Variants in EBF2 observed in about 807,000 individuals in gnomAD.
EBF2 encodes the protein transcription factor COE2.
In EBF2, 21 loss-of-function variants were observed where a neutral mutation model predicts 72.8. That is an observed-to-expected ratio of 0.29 (90% CI 0.20 to 0.42). The LOEUF (loss-of-function observed/expected upper bound fraction) is 0.42, where lower values mean the gene tolerates loss of function less well. EBF2 is among the 10% of genes least tolerant of loss of function. The pLI is 1.00. For missense variants in EBF2, 637 were observed against 731.2 expected (o/e 0.87, Z 1.49); for synonymous variants, 299 against 274.2 (o/e 1.09, Z -0.89).
chr8:25,862,874 A>G, intron 10 of EBF2, 77 bp from the exon 11 acceptor site: 1 of 1,109,596 alleles, frequency 9.0e-7, no homozygotes, highest in South Asian at 1.9e-5. Context: ...TTCCACAGGT[A>G]ATAAGAAGGT....
intron 5 of EBF2, among the ~76,000 whole-genome samples, chr8:26,036,856 T>A (rs1188944006): frequency 6.6e-6 from 1 of 151,992 alleles, no homozygotes; most frequent in African/African-American, 2.4e-5. Context: ...CTGAAGTTCC[T>A]GATAAGTGTT....
At chr8:25,952,176 G>T (rs1000864500) in intron 6 of EBF2, among the ~76,000 whole-genome samples, 1 of 152,076 alleles carries the variant, frequency 6.6e-6, no homozygotes, top group Non-Finnish European at 1.5e-5. Context: ...TGTGACTGCA[G>T]TCCCAACTAC....
intron 7 of EBF2, among the ~76,000 whole-genome samples, chr8:25,897,831 G>A (rs1802883834): frequency 6.6e-6 from 1 of 152,172 alleles, no homozygotes; most frequent in African/African-American, 2.4e-5. Context: ...ATACAAATGT[G>A]CATGTCTTTC....
At chr8:26,015,498 A>G (rs1805095306) in intron 6 of EBF2, among the ~76,000 whole-genome samples, 1 of 152,226 alleles carries the variant, frequency 6.6e-6, no homozygotes, top group South Asian at 2.1e-4. Flanking sequence ...TAGTTGATTA[A>G]CTGAATCAAC....
intron 6 of EBF2, among the ~76,000 whole-genome samples, chr8:25,969,510 C>A (rs375620763): frequency 6.6e-6 from 1 of 152,350 alleles, no homozygotes; most frequent in East Asian, 1.9e-4. Context: ...AAGTGCAGTA[C>A]CCACATCCAT....
intron 1 of EBF2, among the ~76,000 whole-genome samples, chr8:26,042,694 C>T (rs1805626167): frequency 6.6e-6 from 1 of 152,196 alleles, no homozygotes; most frequent in African/African-American, 2.4e-5. Context: ...GGAATAAGTG[C>T]CTCCTTTGCT....
chr8:25,935,986 T>C (rs1803572563), intron 6 of EBF2, among the ~76,000 whole-genome samples: 1 of 152,176 alleles, frequency 6.6e-6, no homozygotes, highest in Non-Finnish European at 1.5e-5. Context: ...GTGGTAACGT[T>C]AGACAGAAAT....
chr8:25,914,687 A>G (rs1585193873), intron 6 of EBF2, among the ~76,000 whole-genome samples: 1 of 152,374 alleles, frequency 6.6e-6, no homozygotes, highest in East Asian at 1.9e-4. Flanking sequence ...AGGAAAGATG[A>G]CTTAATAGTT....
intron 6 of EBF2, among the ~76,000 whole-genome samples, chr8:25,937,065 G>C (rs539041217): frequency 6.6e-6 from 1 of 152,196 alleles, no homozygotes; most frequent in Non-Finnish European, 1.5e-5. Context: ...AATTAGAATT[G>C]TAACAATGAG....
intron 1 of EBF2, among the ~76,000 whole-genome samples, chr8:26,042,625 A>C (rs1033527274): frequency 6.6e-6 from 1 of 151,762 alleles, no homozygotes; most frequent in African/African-American, 2.4e-5. Context: ...GTCTCCATCC[A>C]CTCCCTCAGG....
intron 6 of EBF2, among the ~76,000 whole-genome samples, chr8:25,944,751 GTATA>G (rs1803737682): frequency 6.8e-6 from 1 of 146,304 alleles, no homozygotes; most frequent in African/African-American, 2.5e-5. Context: ...CAATTATATT[GTATA>G]TATAATTATA....
intron 6 of EBF2, 28 bp downstream of exon 6, chr8:26,033,057 T>A: frequency 6.2e-7 from 1 of 1,607,616 alleles, no homozygotes; most frequent in South Asian, 1.1e-5. Context: ...GAACCAAAAA[T>A]GATTGAAAAA....
intron 10 of EBF2, among the ~76,000 whole-genome samples, chr8:25,884,662 G>C (rs1455290457): frequency 1.3e-5 from 2 of 152,180 alleles, no homozygotes; most frequent in Non-Finnish European, 2.9e-5. Context: ...GCCCATGGCA[G>C]GCAGGTCATA....
chr8:25,946,454 C>A lies in EBF2; in HGVS notation c.552-37899G>T, dbSNP rs554148557. Among the ~76,000 whole-genome samples, 803 of 152,320 alleles carry A rather than the reference C, an allele frequency of 5.3e-3. 5 individuals carry two copies. The highest frequency in any genetic ancestry group is 8.2e-3 in the Non-Finnish European group (555 of 68,024). On this transcript the variant is annotated intron_variant, in intron 6 of 15. Coordinates refer to ENST00000520164, the MANE Select transcript of EBF2 (RefSeq NM_022659.4). ...ACCAAAGACCTCCAAGTTTTCCCAG[C>A]AGTCATCTGGGGTGGCAGGTGAGGG...
At chr8:25,967,929 C>CA (rs1455068002) in intron 6 of EBF2, among the ~76,000 whole-genome samples, 2 of 152,196 alleles carry the variant, frequency 1.3e-5, no homozygotes, top group African/African-American at 2.4e-5. Context: ...CCAGGTAAAG[C>CA]ACTTACTATA....
intron 6 of EBF2, among the ~76,000 whole-genome samples, chr8:26,014,431 G>A (rs1376936167): frequency 6.6e-6 from 1 of 152,160 alleles, no homozygotes; most frequent in Non-Finnish European, 1.5e-5. Context: ...TACTCCCAAG[G>A]TGGGTAAAAA....
intron 6 of EBF2, among the ~76,000 whole-genome samples, chr8:25,941,179 C>A (rs898022646): frequency 6.0e-5 from 9 of 150,994 alleles, no homozygotes; most frequent in Non-Finnish European, 8.8e-5. Context: ...CTCCCCACCC[C>A]CAAGCCCCAA....
chr8:26,007,353 G>C (rs769628701), intron 6 of EBF2, among the ~76,000 whole-genome samples: 4 of 152,114 alleles, frequency 2.6e-5, no homozygotes, highest in Non-Finnish European at 5.9e-5. Flanking sequence ...TTCATGAAAC[G>C]TGAATCACTT....
At chr8:25,996,761 ACTT>A (rs915617781) in intron 6 of EBF2, among the ~76,000 whole-genome samples, 24 of 152,242 alleles carry the variant, frequency 1.6e-4, no homozygotes, top group South Asian at 4.1e-4. Context: ...AACTGGAAAA[ACTT>A]CTGCCAAGGA....
Sources: allele counts gnomAD v4.1 joint callset (sites outside exome capture counted in the v4.1 genomes callset), GRCh38; gene constraint gnomAD v4.1.1; transcripts MANE v1.5; gene names NCBI Gene and HGNC (gene_info 2026-07-23, HGNC 2026-07-21).